The following FGGY variants were observed in gnomAD, a reference collection of about 807,000 sequenced individuals.
FGGY encodes FGGY carbohydrate kinase domain containing.
In FGGY, 72 loss-of-function variants were observed where a neutral mutation model predicts 71.3. The ratio of observed to expected loss-of-function variants is 1.01; its 90% CI spans 0.84 to 1.23. The LOEUF (loss-of-function observed/expected upper bound fraction) is 1.23. FGGY is among the 50% of genes most tolerant of loss of function. FGGY has a pLI of 0.00. For missense variants in FGGY, 668 were observed against 682.3 expected (o/e 0.98, Z 0.23); for synonymous variants, 251 against 250.3 (o/e 1.00, Z -0.02).
At chr1:59,377,041 A>G (rs2058742835) in intron 4 of FGGY, among the ~76,000 whole-genome samples, 1 of 152,210 alleles carries the variant, frequency 6.6e-6, no homozygotes, top group South Asian at 2.1e-4. Context: ...TGGTACAACT[A>G]GGTCACATGC....
chr1:59,507,187 G>T (rs1157870865), intron 6 of FGGY, among the ~76,000 whole-genome samples: 1 of 152,218 alleles, frequency 6.6e-6, no homozygotes, highest in Non-Finnish European at 1.5e-5. Context: ...ATTGGGTACA[G>T]CTCTGCATCG....
At position 59,360,127 on chromosome 1, in the gene FGGY, GTTATTA is replaced by G. The variant is rs200166794; in HGVS notation, c.465+13753_465+13758del. Among the ~76,000 whole-genome samples, 315 of 145,706 alleles carry G rather than the reference GTTATTA, an allele frequency of 2.2e-3. 1 individual carries two copies. The highest frequency in any genetic ancestry group is 0.014 in the East Asian group (72 of 5,044). ...ATAAGAACTTTATTTTTCTATCATT[GTTATTA>G]TTATTATTATTATTATTATTATTTC... On this transcript the variant is annotated intron_variant, in intron 4 of 15. Coordinates refer to ENST00000303721, the MANE Select transcript of FGGY (RefSeq NM_018291.5).
chr1:59,667,859 A>G (rs189733429), intron 13 of FGGY, among the ~76,000 whole-genome samples: 44 of 152,348 alleles, frequency 2.9e-4, no homozygotes, highest in African/African-American at 9.4e-4. Flanking sequence ...TGAGAAAAGT[A>G]CGGGGTATCA....
In FGGY at chr1:59,324,903, G is replaced by T. The variant is rs182305709; in HGVS notation, c.201+3153G>T. On this transcript the variant is annotated intron_variant, in intron 2 of 15. Transcript: ENST00000303721. ...GGAAGTGTGTGCCCCCTCAGCAGGG[G>T]TTATATCTAGTTTATCTGTATTTCT... is the stretch of plus-strand genomic sequence containing the variant. Among the ~76,000 whole-genome samples, 4 of 152,314 alleles carry T rather than the reference G, an allele frequency of 2.6e-5. No homozygotes were observed. The East Asian group carries it at 7.7e-4, about 29-fold the overall frequency.
chr1:59,417,944 A>G (rs2064756914), intron 5 of FGGY, among the ~76,000 whole-genome samples: 1 of 152,232 alleles, frequency 6.6e-6, no homozygotes, highest in African/African-American at 2.4e-5. Context: ...GGACAGTTGC[A>G]GATAAAGATA....
intron 6 of FGGY, among the ~76,000 whole-genome samples, chr1:59,509,686 C>T (rs1402755656): frequency 6.6e-6 from 1 of 152,170 alleles, no homozygotes; most frequent in Non-Finnish European, 1.5e-5. Context: ...TCCCTGTGGT[C>T]CTATAGCCTA....
In FGGY at chr1:59,667,323, G is replaced by A. The variant is rs776862938; in HGVS notation, c.1337G>A (p.Gly446Glu). The change falls in exon 13 of 16, where the codon GGG becomes GAG. Residue 446 changes from glycine (G) to glutamate (E), a missense_variant. Coordinates refer to ENST00000303721, the MANE Select transcript of FGGY (RefSeq NM_018291.5). ...ATTATAGAAGCCATGGAGGCAGCAGGGCACTCAATCAGTACTCTTTTCCTA... is the reference window on the plus strand; with the variant it reads ...ATTATAGAAGCCATGGAGGCAGCAGAGCACTCAATCAGTACTCTTTTCCTA... ...RFIIEAMEAA[G>E]HSISTLFLCG... The A allele has an allele frequency of 3.7e-6, 6 of 1,614,012 alleles. No homozygotes were observed. In the Admixed American group the frequency reaches 5.0e-5, roughly 13 times the overall value.
intron 6 of FGGY, among the ~76,000 whole-genome samples, chr1:59,489,785 ACCTCCATACTGTT>A (rs1415646608): frequency 2.0e-5 from 3 of 151,798 alleles, no homozygotes; most frequent in Non-Finnish European, 4.4e-5. Context: ...TTTTTGAGGA[ACCTCCATACTGTT>A]CCCCATAATG....
At chr1:59,377,385 C>T (rs1183746552) in intron 4 of FGGY, among the ~76,000 whole-genome samples, 1 of 152,178 alleles carries the variant, frequency 6.6e-6, no homozygotes, top group East Asian at 1.9e-4. Flanking sequence ...GAAGCAAACA[C>T]ATCCTTCTGT....
intron 5 of FGGY, among the ~76,000 whole-genome samples, chr1:59,431,682 G>C (rs759770331): frequency 6.6e-6 from 1 of 152,170 alleles, no homozygotes; most frequent in Non-Finnish European, 1.5e-5. Flanking sequence ...CAGCAAGATG[G>C]AGAATAGATG....
chr1:59,466,217 T>C (rs1192255782), intron 6 of FGGY, among the ~76,000 whole-genome samples: 1 of 152,138 alleles, frequency 6.6e-6, no homozygotes, highest in Non-Finnish European at 1.5e-5. Context: ...TACAACCATC[T>C]GATCTTTGAC....
At chr1:59,503,265 G>A (rs1302408779) in intron 6 of FGGY, among the ~76,000 whole-genome samples, 1 of 152,144 alleles carries the variant, frequency 6.6e-6, no homozygotes, top group Non-Finnish European at 1.5e-5. Flanking sequence ...CAATGAAGGT[G>A]ATAGCAACTG....
chr1:59,313,028 C>T (rs2044665020), intron 1 of FGGY, among the ~76,000 whole-genome samples: 2 of 152,184 alleles, frequency 1.3e-5, no homozygotes, highest in Admixed American at 6.5e-5. Context: ...TAAGGATCCC[C>T]AAAACCCTGA....
At chr1:59,640,801 G>A (rs2097017589) in intron 11 of FGGY, among the ~76,000 whole-genome samples, 1 of 150,952 alleles carries the variant, frequency 6.6e-6, no homozygotes. Flanking sequence ...TAATTTCCAA[G>A]TAAATGAAGA....
At chr1:59,378,532 A>T (rs1372542875) in intron 4 of FGGY, among the ~76,000 whole-genome samples, 4 of 151,418 alleles carry the variant, frequency 2.6e-5, no homozygotes, top group Non-Finnish European at 5.9e-5. Flanking sequence ...GTTTTAAGGG[A>T]AATTACGATC....
At chr1:59,600,769 C>T (rs2096569331) in intron 8 of FGGY, among the ~76,000 whole-genome samples, 1 of 151,998 alleles carries the variant, frequency 6.6e-6, no homozygotes, top group Non-Finnish European at 1.5e-5. Flanking sequence ...AGTCTCAGGT[C>T]AGCAAATGAC....
At chr1:59,667,427 A>G (rs2097335897) in intron 13 of FGGY, 24 bp downstream of exon 13, 2 of 1,611,672 alleles carry the variant, frequency 1.2e-6, no homozygotes, top group Non-Finnish European at 1.7e-6. Flanking sequence ...AGAGGAGAGA[A>G]GGTCACTTTT....
chr1:59,544,764 G>A (rs1049785675), intron 7 of FGGY, among the ~76,000 whole-genome samples: 4 of 152,200 alleles, frequency 2.6e-5, no homozygotes, highest in African/African-American at 9.6e-5. Context: ...TGGTGAGAAA[G>A]AATCAAATAT....
At chr1:59,439,194 C>A (rs982193464) in intron 5 of FGGY, among the ~76,000 whole-genome samples, 1 of 152,086 alleles carries the variant, frequency 6.6e-6, no homozygotes, top group Non-Finnish European at 1.5e-5. Context: ...GTCTTGTCTC[C>A]GTGTGCCTGA....
Sources: gnomAD v4.1 joint callset for allele counts (sites outside exome capture counted in the v4.1 genomes callset) on GRCh38, gnomAD v4.1.1 for gene constraint, MANE v1.5 for transcripts, NCBI Gene and HGNC (gene_info 2026-07-23, HGNC 2026-07-21) for gene names.